The following AEN variants were observed in gnomAD, a reference collection of about 807,000 sequenced individuals.
AEN encodes the protein apoptosis enhancing nuclease.
In AEN, 21 loss-of-function variants were observed where a neutral mutation model predicts 17.7. The observed-to-expected ratio is 1.19, with a 90% CI of 0.84 to 1.71. The LOEUF (loss-of-function observed/expected upper bound fraction) is 1.71. AEN is among the 40% of genes most tolerant of loss of function. The probability of loss-of-function intolerance (pLI) is 0.00; values close to 1 mark genes in which losing one functional copy is unlikely to be tolerated. For synonymous variants in AEN, 190 were observed against 173.0 expected (o/e 1.10, Z -0.77); for missense variants, 462 against 435.9 (o/e 1.06, Z -0.53).
At chr15:88,606,087 A>G in the AEN span, among the ~76,000 whole-genome samples, 4 of 152,134 alleles carry the variant, frequency 2.6e-5, no homozygotes, top group Admixed American at 2.6e-4. Context: ...TGGTGCGGGG[A>G]GCAGAGGCAC....
intron 1 of AEN, among the ~76,000 whole-genome samples, chr15:88,623,081 C>T (rs1371250431): frequency 6.6e-6 from 1 of 152,202 alleles, no homozygotes; most frequent in East Asian, 1.9e-4. Flanking sequence ...CGCCAGCCCC[C>T]TTTCCCAAAT....
upstream of AEN, among the ~76,000 whole-genome samples, chr15:88,621,078 G>A (rs1469569490): frequency 6.6e-6 from 1 of 152,224 alleles, no homozygotes; most frequent in African/African-American, 2.4e-5. Flanking sequence ...TTGGAGCCGG[G>A]GAACACTGAT....
rs114077513 is a variant in AEN at position 88,631,108 on chromosome 15, C to G, written c.*814C>G. 1.4e-3 allele frequency: 655 copies of G among 456,672 alleles called. 2 individuals carry two copies. Among genetic ancestry groups the G allele is most frequent in the African/African-American group, 0.012 (579 of 50,204 alleles). 28.3% of individuals were successfully genotyped at this position (456,672 alleles called of 1,614,324 possible). A position where few individuals can be genotyped will look rare whatever the true frequency, so the allele number is the denominator to read the frequency against. On this transcript the variant is annotated 3_prime_UTR_variant, in exon 4 of 4. Coordinates refer to ENST00000332810, the MANE Select transcript of AEN (RefSeq NM_022767.4). Reference sequence around the variant, plus strand: ...AAATCAGGGATTTCCCCAGTCCACCCAGTACTGGGCTCTTAAGCAAAAGTC... The same window carrying G: ...AAATCAGGGATTTCCCCAGTCCACCGAGTACTGGGCTCTTAAGCAAAAGTC...
At position 88,632,029 on chromosome 15, in the gene AEN, C is replaced by T. The variant is rs1298272838; in HGVS notation, c.*1735C>T. ...GGGTCATAGATTGTCCAGTCACTGG[C>T]TCCCTCCCTGTCAGCACAGCACAGA... On this transcript the variant is annotated 3_prime_UTR_variant, in exon 4 of 4. Transcript: ENST00000332810. 1 of 152,308 alleles carries T rather than the reference C, an allele frequency of 6.6e-6. No individual in the cohort carries two copies. The highest frequency in any genetic ancestry group is 1.9e-4 in the East Asian group (1 of 5,198). The allele number at this position is 152,308 out of a possible 1,614,324, so 9.4% of individuals were successfully genotyped here. A position where few individuals can be genotyped will look rare whatever the true frequency, so the allele number is the denominator to read the frequency against.
the AEN span, among the ~76,000 whole-genome samples, chr15:88,614,381 T>C: frequency 1.6e-4 from 25 of 152,188 alleles, no homozygotes; most frequent in Admixed American, 4.6e-4. Context: ...CAGTATTTTT[T>C]GTAGAGACGG....
chr15:88,627,171 G>T, intron 2 of AEN: 1 of 179,742 alleles, frequency 5.6e-6, no homozygotes, highest in Non-Finnish European at 1.2e-5. Flanking sequence ...CCACACTGAT[G>T]CACCAGGAAT....
At chr15:88,620,577 T>A (rs991412543), upstream of AEN, among the ~76,000 whole-genome samples, 4 of 30,974 alleles carry the variant, frequency 1.3e-4, no homozygotes, top group Admixed American at 2.2e-4. Flanking sequence ...AACGCCCGGC[T>A]AATTTTTGTA....
rs2057930891 is a variant in AEN, at chr15:88,631,742, G to A, written c.*1448G>A. 1 of 152,414 alleles carries A rather than the reference G, an allele frequency of 6.6e-6. No homozygotes were observed. Among genetic ancestry groups the A allele is most frequent in the Non-Finnish European group, 1.5e-5 (1 of 68,274 alleles). The allele number at this position is 152,414 out of a possible 1,614,324, so 9.4% of individuals were successfully genotyped here. On this transcript the variant is annotated 3_prime_UTR_variant, in exon 4 of 4. Coordinates refer to ENST00000332810, the MANE Select transcript of AEN (RefSeq NM_022767.4). Reference sequence around the variant, plus strand: ...AACACCTGAGTCCACAGGCTGAGCAGCTGTGGCCCAGACAGAACTGCTCCG... The same window carrying A: ...AACACCTGAGTCCACAGGCTGAGCAACTGTGGCCCAGACAGAACTGCTCCG...
upstream of AEN, among the ~76,000 whole-genome samples, chr15:88,620,201 G>T (rs761276583): frequency 3.9e-5 from 6 of 152,000 alleles, no homozygotes; most frequent in Admixed American, 1.3e-4. Context: ...AGAGAAGTCA[G>T]ACTGCTTAGG....
intron 1 of AEN, 94 bp downstream of exon 1, chr15:88,621,476 G>A (rs2057787060): frequency 2.0e-5 from 3 of 152,448 alleles, no homozygotes; most frequent in Non-Finnish European, 2.9e-5. Flanking sequence ...TTTCCGCCCC[G>A]GCCTGCGGCG....
At chr15:88,613,233 A>G in the AEN span, among the ~76,000 whole-genome samples, 1 of 152,022 alleles carries the variant, frequency 6.6e-6, no homozygotes, top group East Asian at 1.9e-4. Context: ...TCAGCCCTTC[A>G]CTTCTACCCA....
At chr15:88,618,567 G>A (rs1048077324), upstream of AEN, among the ~76,000 whole-genome samples, 38 of 152,192 alleles carry the variant, frequency 2.5e-4, no homozygotes, top group African/African-American at 8.9e-4. Flanking sequence ...ATATATCTTT[G>A]AAGGAGATGG....
upstream of AEN, among the ~76,000 whole-genome samples, chr15:88,617,655 C>A (rs1323771992): frequency 4.0e-5 from 6 of 151,868 alleles, no homozygotes; most frequent in Admixed American, 3.9e-4. Flanking sequence ...TACCCCCTAA[C>A]CCCACCTCAA....
chr15:88,606,966 G>GA, the AEN span, among the ~76,000 whole-genome samples: 68,998 of 151,110 alleles, frequency 0.46, 15,897 homozygotes, highest in East Asian at 0.72. Context: ...CTTAAAATGA[G>GA]AAAAAAAAAT....
the AEN span, chr15:88,608,078 A>G: frequency 1.9e-6 from 1 of 518,656 alleles, no homozygotes; most frequent in Non-Finnish European, 4.0e-6. Context: ...CAAAGGGTCT[A>G]CTTTCAAGAA....
chr15:88,615,730 G>A, the AEN span, among the ~76,000 whole-genome samples: 1 of 152,198 alleles, frequency 6.6e-6, no homozygotes, highest in East Asian at 1.9e-4. Flanking sequence ...AAACTCCCAG[G>A]TAAATGCCCA....
chr15:88,622,475 T>C (rs1304278467), intron 1 of AEN, among the ~76,000 whole-genome samples: 5 of 152,294 alleles, frequency 3.3e-5, no homozygotes, highest in African/African-American at 1.2e-4. Context: ...CAGACTAGCA[T>C]CTCAAAATCC....
At chr15:88,619,925 C>G (rs910888870), upstream of AEN, among the ~76,000 whole-genome samples, 1 of 152,188 alleles carries the variant, frequency 6.6e-6, no homozygotes, top group Non-Finnish European at 1.5e-5. Flanking sequence ...CTCCCCCACT[C>G]CTTTCTCCAG....
rs534630196 is a variant in AEN, at chr15:88,631,279, G to A, written c.*985G>A. On this transcript the variant is annotated 3_prime_UTR_variant, in exon 4 of 4. Transcript: ENST00000332810. ...GCTGGGGCAGGGCATTGGCAGTTAC[G>A]CAGTGGCCCTGAACCTGGTCTGGTG... 3.4e-4 allele frequency: 139 copies of A among 409,920 alleles called. 2 individuals carry two copies. The highest frequency in any genetic ancestry group is 2.3e-3 in the South Asian group (138 of 60,026). The allele number at this position is 409,920 out of a possible 1,614,324, so 25.4% of individuals were successfully genotyped here.
Sources: allele counts gnomAD v4.1 joint callset (sites outside exome capture counted in the v4.1 genomes callset), GRCh38; gene constraint gnomAD v4.1.1; transcripts MANE v1.5; gene names NCBI Gene and HGNC (gene_info 2026-07-23, HGNC 2026-07-21).